Variants in BNC2 observed in about 807,000 individuals in gnomAD.
BNC2 encodes the protein basonuclin zinc finger protein 2, also known as zinc finger protein basonuclin-2.
A neutral mutation model predicts 76.3 loss-of-function variants in BNC2; 20 were observed. That is an observed-to-expected ratio of 0.26 (90% CI 0.18 to 0.38). The LOEUF (loss-of-function observed/expected upper bound fraction) is 0.38. Ranked by LOEUF, BNC2 falls within the 10% of genes least tolerant of loss-of-function variation. BNC2 has a pLI of 1.00. For missense variants in BNC2, 1,382 were observed against 1,399.8 expected, an observed-to-expected ratio of 0.99 and a Z score of 0.20; for synonymous variants, 582 against 514.8, an observed-to-expected ratio of 1.13 and a Z score of -1.77.
chr9:16,701,771 G>A lies in BNC2; in HGVS notation c.330+26026C>T, dbSNP rs545451674. Among the ~76,000 whole-genome samples, 9 of 151,410 alleles carry A rather than the reference G, an allele frequency of 5.9e-5. No individual in the cohort carries two copies. The South Asian group carries it at 1.5e-3, about 25-fold the overall frequency. ...AGCCTGGCCAACAAGGTGAAACCCC[G>A]TCTCTACTGAAAATACAAAAATTAG... On this transcript the variant is annotated intron_variant, in intron 3 of 6. Coordinates refer to ENST00000380672, the MANE Select transcript of BNC2 (RefSeq NM_017637.6).
At chr9:16,662,818 T>G (rs1822148626) in intron 3 of BNC2, among the ~76,000 whole-genome samples, 1 of 152,148 alleles carries the variant, frequency 6.6e-6, no homozygotes, top group East Asian at 1.9e-4. Flanking sequence ...CAGGGAGACT[T>G]TCTACTGCTT....
chr9:16,851,641 T>C (rs1314342667), intron 1 of BNC2, among the ~76,000 whole-genome samples: 1 of 152,236 alleles, frequency 6.6e-6, no homozygotes, highest in Non-Finnish European at 1.5e-5. Flanking sequence ...TAGCAATGAA[T>C]TCTATGGTAT....
intron 1 of BNC2, among the ~76,000 whole-genome samples, chr9:16,861,747 T>C (rs1167053525): frequency 1.3e-5 from 2 of 152,156 alleles, no homozygotes; most frequent in Non-Finnish European, 2.9e-5. Context: ...CCCAACACTT[T>C]GGGAGGCCGA....
intron 1 of BNC2, among the ~76,000 whole-genome samples, chr9:16,817,572 T>C (rs960345947): frequency 1.3e-5 from 2 of 152,218 alleles, no homozygotes; most frequent in African/African-American, 2.4e-5. Context: ...AAGGCTGATG[T>C]GGAGATAAAC....
intron 5 of BNC2, among the ~76,000 whole-genome samples, chr9:16,468,093 T>A (rs1439095666): frequency 1.4e-5 from 2 of 147,198 alleles, no homozygotes; most frequent in African/African-American, 2.5e-5. Context: ...CAGGCTGGAG[T>A]GCAGTGGCAC....
intron 4 of BNC2, among the ~76,000 whole-genome samples, chr9:16,555,193 T>C (rs562103992): frequency 1.3e-5 from 2 of 151,970 alleles, no homozygotes; most frequent in Admixed American, 1.3e-4. Flanking sequence ...TAATTTTTTT[T>C]TTTGTATTTT....
intron 1 of BNC2, among the ~76,000 whole-genome samples, chr9:16,803,360 G>A (rs1022756788): frequency 6.6e-6 from 1 of 152,116 alleles, no homozygotes; most frequent in Non-Finnish European, 1.5e-5. Flanking sequence ...TTTATAATAC[G>A]TACCTCTGCC....
At chr9:16,783,004 T>G (rs986260526) in intron 1 of BNC2, among the ~76,000 whole-genome samples, 24 of 152,198 alleles carry the variant, frequency 1.6e-4, no homozygotes, top group African/African-American at 5.8e-4. Flanking sequence ...CACTCAGTAC[T>G]TTAAGCAAAA....
At chr9:16,774,148 A>AT (rs955763084) in intron 1 of BNC2, among the ~76,000 whole-genome samples, 13 of 151,860 alleles carry the variant, frequency 8.6e-5, no homozygotes, top group East Asian at 1.9e-4. Context: ...CACCCAGCTA[A>AT]TTTTTTTATT....
intron 3 of BNC2, among the ~76,000 whole-genome samples, chr9:16,593,780 C>T (rs909684137): frequency 3.3e-5 from 5 of 151,994 alleles, no homozygotes; most frequent in South Asian, 2.1e-4. Flanking sequence ...CATGAACAGA[C>T]CTATCACCTA....
chr9:16,726,084 T>C (rs977266701), intron 3 of BNC2, among the ~76,000 whole-genome samples: 1 of 151,900 alleles, frequency 6.6e-6, no homozygotes, highest in Non-Finnish European at 1.5e-5. Flanking sequence ...CACAAGTTAT[T>C]TGGTACTAAG....
chr9:16,609,002 T>C (rs1046808282), intron 3 of BNC2, among the ~76,000 whole-genome samples: 1 of 152,148 alleles, frequency 6.6e-6, no homozygotes, highest in Non-Finnish European at 1.5e-5. Context: ...CAGGAAGGGA[T>C]CTTGGGATTT....
chr9:16,558,703 G>A (rs1423469812), intron 4 of BNC2, among the ~76,000 whole-genome samples: 1 of 152,102 alleles, frequency 6.6e-6, no homozygotes, highest in Non-Finnish European at 1.5e-5. Context: ...GGTTGAGGCG[G>A]GCGGATCATG....
intron 1 of BNC2, among the ~76,000 whole-genome samples, chr9:16,791,388 C>A (rs929925819): frequency 1.4e-4 from 21 of 152,170 alleles, no homozygotes; most frequent in African/African-American, 4.8e-4. Flanking sequence ...AACATGATAA[C>A]TGAAACTTGG....
At chr9:16,420,603 C>T (rs1277921096) in intron 6 of BNC2, among the ~76,000 whole-genome samples, 1 of 152,020 alleles carries the variant, frequency 6.6e-6, no homozygotes, top group Admixed American at 6.5e-5. Flanking sequence ...ACTTTAACAA[C>T]TGGAACCCAT....
chr9:16,566,638 T>C (rs1346320350), intron 4 of BNC2, among the ~76,000 whole-genome samples: 3 of 152,128 alleles, frequency 2.0e-5, no homozygotes, highest in African/African-American at 7.2e-5. Context: ...ACAGACTGAA[T>C]CATAATACAC....
At chr9:16,498,534 T>C (rs7020843) in intron 5 of BNC2, among the ~76,000 whole-genome samples, 36,040 of 148,400 alleles carry the variant, frequency 0.24, 5,324 homozygotes, top group African/African-American at 0.42. Context: ...GGGAGGGGGG[T>C]GAGGGATAAA....
intron 1 of BNC2, among the ~76,000 whole-genome samples, chr9:16,744,023 G>A (rs1824928597): frequency 6.6e-6 from 1 of 152,154 alleles, no homozygotes; most frequent in Non-Finnish European, 1.5e-5. Context: ...CTGGAGTGCA[G>A]TGGCGCGATC....
At chr9:16,870,360 G>A (rs1175164865) in intron 1 of BNC2, among the ~76,000 whole-genome samples, 1 of 151,886 alleles carries the variant, frequency 6.6e-6, no homozygotes, top group East Asian at 2.0e-4. Context: ...CGCGGAAGCC[G>A]CGAGCGGGGC....
Sources: allele counts gnomAD v4.1 joint callset (sites outside exome capture counted in the v4.1 genomes callset), GRCh38; gene constraint gnomAD v4.1.1; transcripts MANE v1.5; gene names NCBI Gene and HGNC (gene_info 2026-07-23, HGNC 2026-07-21).